HHAT: variants seen among roughly 807,000 people sequenced by gnomAD.
HHAT encodes protein-cysteine N-palmitoyltransferase HHAT.
HHAT carries 47 observed loss-of-function variants against 70.8 expected under a neutral mutation model. The ratio of observed to expected loss-of-function variants is 0.66; its 90% CI spans 0.53 to 0.85. HHAT has a LOEUF of 0.85. HHAT is among the 40% of genes least tolerant of loss of function. HHAT has a pLI of 0.00. For synonymous variants in HHAT, 228 were observed against 247.6 expected, an observed-to-expected ratio of 0.92 and a Z score of 0.74; for missense variants, 609 against 604.8, an observed-to-expected ratio of 1.01 and a Z score of -0.07.
At position 210,477,328 on chromosome 1, in the gene HHAT, A is replaced by G. The variant is rs143351050; in HGVS notation, c.1007+12673A>G. ...TGGCCTCCAATTAGTTTTCCTGTATATGACTTCTCCCCTTCTCTGCCTTCT... is the reference window on the plus strand; with the variant it reads ...TGGCCTCCAATTAGTTTTCCTGTATGTGACTTCTCCCCTTCTCTGCCTTCT... On this transcript the variant is annotated intron_variant, in intron 8 of 11. Transcript: ENST00000261458. 2.4e-3 allele frequency among the ~76,000 whole-genome samples: 373 copies of G among 152,312 alleles called. 1 individual carries two copies. Among genetic ancestry groups the G allele is most frequent in the African/African-American group, 8.5e-3 (355 of 41,574 alleles).
At chr1:210,488,626 C>T (rs1019187453) in intron 8 of HHAT, among the ~76,000 whole-genome samples, 14 of 152,330 alleles carry the variant, frequency 9.2e-5, no homozygotes, top group East Asian at 5.8e-4. Context: ...GGCATGGTGG[C>T]TAATGCCTAT....
chr1:210,643,440 TTTGA>T (rs1319121357), intron 11 of HHAT, among the ~76,000 whole-genome samples: 2 of 152,248 alleles, frequency 1.3e-5, no homozygotes, highest in Non-Finnish European at 2.9e-5. Flanking sequence ...AGTGTTAGTC[TTTGA>T]TTAATCACAA....
intron 9 of HHAT, among the ~76,000 whole-genome samples, chr1:210,526,347 A>G (rs2095244421): frequency 8.6e-6 from 1 of 116,950 alleles, no homozygotes; most frequent in African/African-American, 3.3e-5. Context: ...TTCCTTAATA[A>G]ACTAACCAGA....
intron 8 of HHAT, among the ~76,000 whole-genome samples, chr1:210,503,933 A>G (rs2094806279): frequency 6.6e-6 from 1 of 152,226 alleles, no homozygotes. Flanking sequence ...AGAAGAAAAC[A>G]TAGAAAATTT....
rs541408028 is a variant in HHAT at position 210,461,592 on chromosome 1, G to T, written c.857-2913G>T. The stretch of plus-strand genomic sequence containing the variant: ...GCTGGGACTACAGGCGTGAGCCACC[G>T]TGCCTGGCTGAGCCATGCATTTTTC... On this transcript the variant is annotated intron_variant, in intron 7 of 11. Transcript: ENST00000261458. 2.0e-5 allele frequency among the ~76,000 whole-genome samples: 3 copies of T among 152,028 alleles called. No homozygotes were observed. In the South Asian group the frequency reaches 6.2e-4, roughly 32 times the overall value.
At chr1:210,483,827 A>G in intron 8 of HHAT, among the ~76,000 whole-genome samples, 1 of 152,290 alleles carries the variant, frequency 6.6e-6, no homozygotes, top group African/African-American at 2.4e-5. Context: ...ACCAAGGTAG[A>G]ATAATATAAG....
chr1:210,415,948 C>T (rs760050335), intron 6 of HHAT, among the ~76,000 whole-genome samples: 4 of 151,944 alleles, frequency 2.6e-5, no homozygotes, highest in African/African-American at 4.8e-5. Context: ...TGTGAGCCAC[C>T]GTCCTCGGCC....
intron 9 of HHAT, among the ~76,000 whole-genome samples, chr1:210,563,771 C>T (rs1309574138): frequency 6.6e-6 from 1 of 152,190 alleles, no homozygotes; most frequent in African/African-American, 2.4e-5. Flanking sequence ...GTTACTTGGG[C>T]TGGCCTCCTC....
chr1:210,415,372 A>G (rs1406248440), intron 6 of HHAT, among the ~76,000 whole-genome samples: 1 of 152,158 alleles, frequency 6.6e-6, no homozygotes, highest in Admixed American at 6.5e-5. Context: ...TAAGGATTCA[A>G]ATGAAAACCA....
intron 3 of HHAT, among the ~76,000 whole-genome samples, chr1:210,363,904 T>C (rs17016036): frequency 0.17 from 25,676 of 152,216 alleles, 2,471 homozygotes; most frequent in Admixed American, 0.26. Flanking sequence ...AAATGAACTT[T>C]TGCAAGACAG....
chr1:210,527,350 G>T (rs2095263030), intron 9 of HHAT, among the ~76,000 whole-genome samples: 1 of 152,080 alleles, frequency 6.6e-6, no homozygotes, highest in Admixed American at 6.6e-5. Context: ...CATTACTCTT[G>T]ACCATGTGAC....
intron 8 of HHAT, among the ~76,000 whole-genome samples, chr1:210,467,257 G>C (rs922454979): frequency 6.6e-6 from 1 of 152,138 alleles, no homozygotes; most frequent in Non-Finnish European, 1.5e-5. Context: ...CTGAGGCAGT[G>C]TACAATGTAA....
At chr1:210,663,080 A>G (rs115941322) in intron 11 of HHAT, among the ~76,000 whole-genome samples, 1 of 152,036 alleles carries the variant, frequency 6.6e-6, no homozygotes, top group South Asian at 2.1e-4. Context: ...TAACAGTTTT[A>G]ATAAAGGGTC....
At chr1:210,663,055 A>G (rs1678099307) in intron 11 of HHAT, among the ~76,000 whole-genome samples, 1 of 152,150 alleles carries the variant, frequency 6.6e-6, no homozygotes, top group South Asian at 2.1e-4. Flanking sequence ...AGCAGGGGCC[A>G]TATAATTGTG....
intron 8 of HHAT, among the ~76,000 whole-genome samples, chr1:210,472,074 G>A (rs890905412): frequency 2.6e-5 from 4 of 152,110 alleles, no homozygotes; most frequent in African/African-American, 9.7e-5. Context: ...CCTGTAATAA[G>A]ATCAGATAAC....
chr1:210,506,284 G>A (rs2094852848), intron 8 of HHAT, among the ~76,000 whole-genome samples: 1 of 152,112 alleles, frequency 6.6e-6, no homozygotes, highest in South Asian at 2.1e-4. Context: ...AATCAGACAG[G>A]AGCTGCTGCT....
chr1:210,350,261 A>G (rs926745220), intron 2 of HHAT, among the ~76,000 whole-genome samples: 3 of 152,246 alleles, frequency 2.0e-5, no homozygotes, highest in Non-Finnish European at 4.4e-5. Flanking sequence ...AGCAATCAAG[A>G]TGTCCTTAAG....
Position 210,516,383 on chromosome 1 carries a change from C to A in HHAT, c.1043+3195C>A, listed in dbSNP as rs1023983194. ...TAGCCACCAGAAGGTCTTAAGTGTC[C>A]TTTAGACTTAGAGAAAGCAGTTTCA... On this transcript the variant is annotated intron_variant, in intron 9 of 11. Transcript: ENST00000261458. Among the ~76,000 whole-genome samples the A allele has an allele frequency of 2.0e-5, 3 of 152,180 alleles. No homozygotes were observed. In the East Asian group the frequency reaches 5.8e-4, roughly 29 times the overall value.
chr1:210,565,417 A>G (rs1654463223), intron 9 of HHAT, among the ~76,000 whole-genome samples: 1 of 152,228 alleles, frequency 6.6e-6, no homozygotes, highest in Non-Finnish European at 1.5e-5. Context: ...GCACAGTATC[A>G]GCATGTAGTA....
Sources: gnomAD v4.1 joint callset for allele counts (sites outside exome capture counted in the v4.1 genomes callset) on GRCh38, gnomAD v4.1.1 for gene constraint, MANE v1.5 for transcripts, NCBI Gene and HGNC (gene_info 2026-07-23, HGNC 2026-07-21) for gene names.